The following MACF1 variants were observed in gnomAD, a reference collection of about 807,000 sequenced individuals.
MACF1 encodes the protein microtubule-actin cross-linking factor 1.
MACF1 carries 193 observed loss-of-function variants against 854.8 expected under a neutral mutation model. The observed-to-expected ratio is 0.23, with a 90% CI of 0.20 to 0.25. MACF1 has a LOEUF of 0.25. Ranked by LOEUF, MACF1 falls within the 10% of genes least tolerant of loss-of-function variation. The pLI is 1.00. For synonymous variants in MACF1, 3,185 were observed against 3,226.7 expected (o/e 0.99, Z 0.44); for missense variants, 7,722 against 8,929.1 (o/e 0.86, Z 5.45).
At chr1:39,123,521 A>G (rs572257603) in intron 2 of MACF1, among the ~76,000 whole-genome samples, 49 of 150,344 alleles carry the variant, frequency 3.3e-4, no homozygotes, top group African/African-American at 1.1e-3. Context: ...ATCAATTTTA[A>G]TTTTATCAAG....
chr1:39,164,218 T>C (rs976937761), intron 2 of MACF1, among the ~76,000 whole-genome samples: 16 of 152,362 alleles, frequency 1.1e-4, no homozygotes, highest in African/African-American at 3.8e-4. Flanking sequence ...TCTGTGCATT[T>C]CTGATTTTTT....
chr1:39,459,838 TG>T, intron 91 of MACF1: 1 of 1,304,202 alleles, frequency 7.7e-7, no homozygotes, highest in Non-Finnish European at 1.0e-6. Flanking sequence ...TGGAAGTGAG[TG>T]TTCTGTGTTT....
At chr1:39,088,169 T>A (rs961689090) in intron 2 of MACF1, among the ~76,000 whole-genome samples, 1 of 152,122 alleles carries the variant, frequency 6.6e-6, no homozygotes, top group Non-Finnish European at 1.5e-5. Flanking sequence ...AGACGGGGTT[T>A]CACCATGTTA....
chr1:39,296,502 G>A (rs1030419717), intron 20 of MACF1, among the ~76,000 whole-genome samples: 9 of 151,900 alleles, frequency 5.9e-5, no homozygotes, highest in African/African-American at 1.9e-4. Flanking sequence ...GGCTGAGGCA[G>A]GCAGATCACC....
intron 2 of MACF1, among the ~76,000 whole-genome samples, chr1:39,156,428 G>C (rs961213734): frequency 3.9e-5 from 6 of 152,176 alleles, no homozygotes; most frequent in Admixed American, 2.6e-4. Context: ...AGACCAGCCT[G>C]GGCAACATGG....
Position 39,358,704 on chromosome 1 carries a change from G to A in MACF1, c.11951G>A (p.Arg3984Gln), listed in dbSNP as rs376039171. Reference sequence around the variant, plus strand: ...TTTCTTTCTCTGGCACAGTGTACACGATTAGGATCTCACCTGAATATGCTG... The same window carrying A: ...TTTCTTTCTCTGGCACAGTGTACACAATTAGGATCTCACCTGAATATGCTG... ...RYTALHSKCT[R>Q]LGSHLNMLLG... The change falls in exon 46 of 101, where the codon CGA (arginine) becomes CAA (glutamine). Residue 3984 changes from arginine (R) to glutamine (Q), a missense_variant. Arg to Gln is a conservative substitution (Grantham distance 43). Transcript: ENST00000564288. 26 of 1,613,958 alleles carry A rather than the reference G, an allele frequency of 1.6e-5. No homozygotes were observed. Among genetic ancestry groups the A allele is most frequent in the East Asian group, 1.3e-4 (6 of 44,882 alleles).
rs182032553 is a variant in MACF1, at chr1:39,159,937, G to T, written c.221-71245G>T. 3.9e-5 allele frequency among the ~76,000 whole-genome samples: 6 copies of T among 152,206 alleles called. No homozygotes were observed. In the East Asian group the frequency reaches 1.2e-3, roughly 29 times the overall value. ...AGATCTGTACTCCCTTCTTGCCAGG[G>T]TATGTAGATGTTTTACTTTCTTTCA... is the stretch of plus-strand genomic sequence containing the variant. On this transcript the variant is annotated intron_variant, in intron 2 of 93. Transcript: ENST00000361689.
In MACF1 at chr1:39,234,515, TCCCGGACGGGGCGGC is replaced by T. The variant is rs1452423071; in HGVS notation, c.171+3273_171+3287del. On this transcript the variant is annotated intron_variant, in intron 2 of 100. Transcript: ENST00000564288. ...CAGCCGGGCAGAGGCGCCCCTCACC[TCCCGGACGGGGCGGC>T]TGGCCTGGCGGGGGGCTGACCCCCC... 6.7e-3 allele frequency among the ~76,000 whole-genome samples: 818 copies of T among 121,412 alleles called. 111 individuals are homozygous for T. The highest frequency in any genetic ancestry group is 0.033 in the South Asian group (95 of 2,910). The allele number at this position is 121,412 out of a possible 152,430, so 79.7% of individuals were successfully genotyped here. A position where few individuals can be genotyped will look rare whatever the true frequency, so the allele number is the denominator to read the frequency against.
At chr1:39,456,720 T>G (rs1211280147) in intron 89 of MACF1, 1 of 152,358 alleles carries the variant, frequency 6.6e-6, no homozygotes, top group African/African-American at 2.4e-5. Context: ...AGACATGTCC[T>G]TCCAACCCAG....
At chr1:39,190,396 T>C (rs1244390855) in intron 2 of MACF1, among the ~76,000 whole-genome samples, 2 of 51,364 alleles carry the variant, frequency 3.9e-5, no homozygotes, top group Non-Finnish European at 9.2e-5. Context: ...TGTGTGTTTG[T>C]TTTTGTTTTT....
intron 36 of MACF1, among the ~76,000 whole-genome samples, chr1:39,329,388 G>T (rs1311625650): frequency 6.6e-6 from 1 of 152,140 alleles, no homozygotes; most frequent in Non-Finnish European, 1.5e-5. Flanking sequence ...ATGGCTTAAT[G>T]ATTTTAAGGG....
At chr1:39,339,445 G>C (rs1238159551) in intron 38 of MACF1, among the ~76,000 whole-genome samples, 1 of 152,190 alleles carries the variant, frequency 6.6e-6, no homozygotes, top group Non-Finnish European at 1.5e-5. Context: ...TGAGTACAAT[G>C]AGGACTGAAG....
intron 58 of MACF1, among the ~76,000 whole-genome samples, chr1:39,403,496 G>A (rs1460828698): frequency 6.6e-6 from 1 of 152,106 alleles, no homozygotes; most frequent in African/African-American, 2.4e-5. Context: ...CATACAGAAT[G>A]CTCTAAGATA....
At chr1:39,228,908 C>T (rs1644747663) in intron 1 of MACF1, among the ~76,000 whole-genome samples, 1 of 152,206 alleles carries the variant, frequency 6.6e-6, no homozygotes, top group Non-Finnish European at 1.5e-5. Flanking sequence ...CCCACCTCAG[C>T]CTCCCAAAGT....
intron 98 of MACF1, 32 bp downstream of exon 98, chr1:39,480,041 C>A (rs753288727): frequency 3.2e-6 from 5 of 1,571,068 alleles, no homozygotes; most frequent in South Asian, 2.2e-5. Flanking sequence ...GCCCTTCTTC[C>A]CCAATCCCAC....
At position 39,101,095 on chromosome 1, in the gene MACF1, G is replaced by A. The variant is rs150559959; in HGVS notation, c.220+16657G>A. Among the ~76,000 whole-genome samples, 1,299 of 149,734 alleles carry A rather than the reference G, an allele frequency of 8.7e-3. 19 individuals carry two copies. The highest frequency in any genetic ancestry group is 0.03 in the African/African-American group (1,236 of 40,762). ...TAGTTGGCCAGGTGCGGTGGCTCAC[G>A]CCTGTAATCCCAGCACTTTGGGAAG... On this transcript the variant is annotated intron_variant, in intron 2 of 93. Transcript: ENST00000361689.
intron 97 of MACF1, among the ~76,000 whole-genome samples, chr1:39,475,712 G>A (rs923880725): frequency 9.9e-5 from 15 of 152,108 alleles, no homozygotes; most frequent in African/African-American, 3.6e-4. Context: ...TGGTGCCAGG[G>A]TTTTGGTTCC....
At chr1:39,477,094 C>CAT (rs1644914766) in intron 97 of MACF1, among the ~76,000 whole-genome samples, 2 of 78,784 alleles carry the variant, frequency 2.5e-5, no homozygotes, top group East Asian at 3.3e-4. Flanking sequence ...TATATATACA[C>CAT]ACACACACAT....
chr1:39,151,259 C>T (rs557347430), intron 2 of MACF1, among the ~76,000 whole-genome samples: 13 of 152,302 alleles, frequency 8.5e-5, no homozygotes, highest in Admixed American at 3.9e-4. Context: ...TGTATAATTT[C>T]GTTTCAAATC....
Sources: allele counts gnomAD v4.1 joint callset (sites outside exome capture counted in the v4.1 genomes callset), GRCh38; gene constraint gnomAD v4.1.1; transcripts MANE v1.5; gene names NCBI Gene and HGNC (gene_info 2026-07-23, HGNC 2026-07-21).